The following ADAM9 variants were observed in gnomAD, a reference collection of about 807,000 sequenced individuals.
ADAM9 encodes ADAM metallopeptidase domain 9.
Under a neutral mutation model 108.1 loss-of-function variants are expected in ADAM9, and 54 were observed. That is an observed-to-expected ratio of 0.50 (90% confidence interval 0.40 to 0.63). The LOEUF is 0.63. Among genes scored for constraint, ADAM9 ranks in the 20% least tolerant of loss-of-function variants. The pLI, the probability that ADAM9 is intolerant of heterozygous loss-of-function variation, is 0.00. For missense variants in ADAM9, 830 were observed against 997.7 expected (o/e 0.83, Z 2.26); for synonymous variants, 316 against 336.0 (o/e 0.94, Z 0.65).
chr8:39,041,900 T>G, intron 11 of ADAM9, 46 bp from the exon 12 acceptor site: 1 of 1,568,564 alleles, frequency 6.4e-7, no homozygotes, highest in East Asian at 2.2e-5. Flanking sequence ...ATTTTCAAAG[T>G]GAGTAATCAC....
intron 12 of ADAM9, among the ~76,000 whole-genome samples, chr8:39,052,777 G>A (rs1027083079): frequency 2.0e-5 from 3 of 152,080 alleles, no homozygotes; most frequent in African/African-American, 7.2e-5. Flanking sequence ...GTCCTGCAGT[G>A]TTTTTGAACT....
In ADAM9 at chr8:39,082,623, C is replaced by A; in HGVS notation, c.1882-18C>A. 2.7e-6 allele frequency: 4 copies of A among 1,484,156 alleles called. No individual in the cohort carries two copies. Among genetic ancestry groups the A allele is most frequent in the South Asian group, 1.1e-5 (1 of 87,462 alleles). The allele number at this position is 1,484,156 out of a possible 1,614,324, so 91.9% of individuals were successfully genotyped here. A position where few individuals can be genotyped will look rare whatever the true frequency, so the allele number is the denominator to read the frequency against. On this transcript the variant is annotated intron_variant, in intron 16 of 21. Coordinates refer to ENST00000487273, the MANE Select transcript of ADAM9 (RefSeq NM_003816.3). ...GTGCTCAATCTTTCTTTACTTAGTT[C>A]ATTTTTTTTTTTTTCAGATCTGTAG...
intron 12 of ADAM9, among the ~76,000 whole-genome samples, chr8:39,050,844 T>TG (rs1423177580): frequency 6.6e-6 from 1 of 150,472 alleles, no homozygotes; most frequent in Non-Finnish European, 1.5e-5. Flanking sequence ...TTTTTTTTTT[T>TG]TTTTTTTTTT....
At chr8:39,002,312 C>CTTTTT (rs35517175) in intron 1 of ADAM9, among the ~76,000 whole-genome samples, 34 of 71,494 alleles carry the variant, frequency 4.8e-4, no homozygotes, top group Non-Finnish European at 6.6e-4. Context: ...AGGTAGAATT[C>CTTTTT]TTTTTTTTTT....
At chr8:38,997,234 G>T in intron 1 of ADAM9, 74 bp downstream of exon 1, 1 of 1,492,664 alleles carries the variant, frequency 6.7e-7, no homozygotes, top group Non-Finnish European at 9.0e-7. Context: ...AACCTGTGGT[G>T]CCTGGGAGTG....
At chr8:39,087,010 G>A (rs1337394690) in intron 18 of ADAM9, among the ~76,000 whole-genome samples, 1 of 152,092 alleles carries the variant, frequency 6.6e-6, no homozygotes, top group African/African-American at 2.4e-5. Context: ...GCTTCATGTG[G>A]TCTCCTTACA....
intron 11 of ADAM9, among the ~76,000 whole-genome samples, chr8:39,028,666 C>A (rs1218343253): frequency 6.6e-6 from 1 of 152,204 alleles, no homozygotes; most frequent in Non-Finnish European, 1.5e-5. Context: ...TTATTGAGCA[C>A]TGACCACCTG....
At chr8:39,002,887 G>C (rs576428229) in intron 1 of ADAM9, among the ~76,000 whole-genome samples, 1 of 152,056 alleles carries the variant, frequency 6.6e-6, no homozygotes, top group African/African-American at 2.4e-5. Flanking sequence ...GCCCAGGCTG[G>C]AGTGCAGTGG....
chr8:39,007,833 C>G, intron 1 of ADAM9, 53 bp from the exon 2 acceptor site: 1 of 1,213,518 alleles, frequency 8.2e-7, no homozygotes, highest in Non-Finnish European at 1.2e-6. Flanking sequence ...ATATTGTGTT[C>G]CCACGTAGTT....
chr8:39,068,624 G>A (rs751189624), intron 14 of ADAM9, among the ~76,000 whole-genome samples: 26 of 133,444 alleles, frequency 1.9e-4, no homozygotes, highest in African/African-American at 3.3e-4. Context: ...GCATTGAGCC[G>A]AGATCATGCC....
chr8:39,077,234 T>G lies in ADAM9; in HGVS notation c.1704T>G (p.Ala568=), dbSNP rs1440505312. Residue 568 remains alanine (A), a synonymous_variant, in exon 16 of 22, where the codon GCT becomes GCG. Coordinates refer to ENST00000487273, the MANE Select transcript of ADAM9 (RefSeq NM_003816.3). ...TATTTCTCTCTCTTTATAGGAATGC[T>G]TTGTGTGGAAAGCTTCAGTGTGAGA... The part of the protein sequence containing the change: ...NEYKKCATGN[A]LCGKLQCENV... The G allele has an allele frequency of 8.1e-6, 13 of 1,614,058 alleles. No individual in the cohort carries two copies. Among genetic ancestry groups the G allele is most frequent in the Non-Finnish European group, 1.1e-5 (13 of 1,179,934 alleles).
At chr8:39,054,675 T>G in intron 13 of ADAM9, 102 bp downstream of exon 13, 1 of 1,030,558 alleles carries the variant, frequency 9.7e-7, no homozygotes, top group Non-Finnish European at 1.4e-6. Flanking sequence ...GTCAGCACTA[T>G]TTTTATTTTA....
chr8:39,027,689 A>G (rs1588351747), intron 11 of ADAM9, among the ~76,000 whole-genome samples: 1 of 152,234 alleles, frequency 6.6e-6, no homozygotes, highest in Admixed American at 6.5e-5. Context: ...TTCCTAATTT[A>G]GAAGGCAGGA....
intron 19 of ADAM9, 23 bp from the exon 20 acceptor site, chr8:39,091,236 T>G: frequency 6.2e-7 from 1 of 1,603,056 alleles, no homozygotes; most frequent in Non-Finnish European, 8.5e-7. Flanking sequence ...TTAATTTAGA[T>G]CAAAAGTAAT....
chr8:39,071,451 G>A (rs769964337), intron 15 of ADAM9, 48 bp downstream of exon 15: 10 of 1,130,612 alleles, frequency 8.8e-6, no homozygotes, highest in Admixed American at 1.8e-5. Flanking sequence ...TATAAGATCC[G>A]TCATCTCTAG....
chr8:39,057,891 C>CTTTTTAGTAGAGT (rs1334217558), intron 14 of ADAM9, among the ~76,000 whole-genome samples: 59 of 152,202 alleles, frequency 3.9e-4, no homozygotes, highest in African/African-American at 1.3e-3. Flanking sequence ...ATTAACTCTA[C>CTTTTTAGTAGAGT]TAAAAAGGGT....
At chr8:39,028,780 T>G (rs990193064) in intron 11 of ADAM9, among the ~76,000 whole-genome samples, 2 of 151,758 alleles carry the variant, frequency 1.3e-5, no homozygotes, top group Admixed American at 6.6e-5. Flanking sequence ...CATAAGAAAA[T>G]CAATAATATA....
intron 12 of ADAM9, among the ~76,000 whole-genome samples, chr8:39,049,287 T>C (rs765960653): frequency 2.6e-5 from 4 of 152,064 alleles, no homozygotes; most frequent in African/African-American, 7.2e-5. Flanking sequence ...GCATAAAATA[T>C]CTTGTAGTAA....
intron 10 of ADAM9, among the ~76,000 whole-genome samples, 180 bp downstream of exon 10, chr8:39,026,064 A>G (rs1172467472): frequency 6.6e-6 from 1 of 152,122 alleles, no homozygotes; most frequent in African/African-American, 2.4e-5. Context: ...AATATGTGCT[A>G]TGTGTTTATT....
Sources: gnomAD v4.1 joint callset for allele counts (sites outside exome capture counted in the v4.1 genomes callset) on GRCh38, gnomAD v4.1.1 for gene constraint, MANE v1.5 for transcripts, NCBI Gene and HGNC (gene_info 2026-07-23, HGNC 2026-07-21) for gene names.